The following MYO10 variants were observed in gnomAD, a reference collection of about 807,000 sequenced individuals.
MYO10 encodes the protein myosin X.
Under a neutral mutation model 257.3 loss-of-function variants are expected in MYO10, and 133 were observed. The ratio of observed to expected loss-of-function variants is 0.52; its 90% CI spans 0.45 to 0.60. The LOEUF (loss-of-function observed/expected upper bound fraction) is 0.60, where lower values mean the gene tolerates loss of function less well. Ranked by LOEUF, MYO10 falls within the 20% of genes least tolerant of loss-of-function variation. MYO10 has a pLI of 0.00. For missense variants in MYO10, 2,399 were observed against 2,635.7 expected, an observed-to-expected ratio of 0.91 and a Z score of 1.97; for synonymous variants, 1,104 against 1,028.6, an observed-to-expected ratio of 1.07 and a Z score of -1.40.
chr5:16,915,956 C>CA (rs1745803581), intron 1 of MYO10: 1 of 366,504 alleles, frequency 2.7e-6, no homozygotes. Context: ...GACTCTACGT[C>CA]AAAAAGAAAA....
At chr5:16,760,981 TA>T (rs1423099768) in intron 17 of MYO10, among the ~76,000 whole-genome samples, 7 of 142,288 alleles carry the variant, frequency 4.9e-5, no homozygotes, top group African/African-American at 1.4e-4. Flanking sequence ...TTATTATTAT[TA>T]ATTTATTTAT....
chr5:16,884,714 CT>C, intron 1 of MYO10, among the ~76,000 whole-genome samples: 1 of 149,108 alleles, frequency 6.7e-6, no homozygotes, highest in South Asian at 2.1e-4. Context: ...TTACCAGATG[CT>C]TTTTTTTTCT....
intron 1 of MYO10, among the ~76,000 whole-genome samples, chr5:16,888,646 G>A (rs1302242567): frequency 6.6e-6 from 1 of 151,672 alleles, no homozygotes; most frequent in African/African-American, 2.4e-5. Flanking sequence ...GGAGGCTAAG[G>A]CAGGAGGATC....
intron 1 of MYO10, among the ~76,000 whole-genome samples, chr5:16,910,307 G>A (rs1368861992): frequency 6.6e-6 from 1 of 152,060 alleles, no homozygotes; most frequent in Non-Finnish European, 1.5e-5. Context: ...GTTTGTCTTT[G>A]TTTTTGTTTC....
chr5:16,835,191 G>A (rs1394335160), intron 2 of MYO10, among the ~76,000 whole-genome samples: 1 of 152,048 alleles, frequency 6.6e-6, no homozygotes, highest in Non-Finnish European at 1.5e-5. Context: ...GTAGAGGGGT[G>A]GGGAAGAATT....
chr5:16,678,894 C>A (rs1358249933), intron 33 of MYO10, among the ~76,000 whole-genome samples: 1 of 152,188 alleles, frequency 6.6e-6, no homozygotes, highest in Non-Finnish European at 1.5e-5. Flanking sequence ...GGCCAGCAGT[C>A]TCCCTTGACT....
chr5:16,671,944 T>C (rs191255079), intron 37 of MYO10, among the ~76,000 whole-genome samples: 10 of 152,330 alleles, frequency 6.6e-5, no homozygotes, highest in East Asian at 5.8e-4. Context: ...GCTGTGTTTA[T>C]ACTAAGCAGG....
chr5:16,734,461 G>C (rs1739708419), intron 19 of MYO10, among the ~76,000 whole-genome samples: 1 of 152,152 alleles, frequency 6.6e-6, no homozygotes, highest in Non-Finnish European at 1.5e-5. Context: ...GAACACACCT[G>C]TTTTTTGCTG....
intron 1 of MYO10, among the ~76,000 whole-genome samples, chr5:16,922,461 G>A (rs1295031437): frequency 6.6e-6 from 1 of 152,166 alleles, no homozygotes; most frequent in African/African-American, 2.4e-5. Flanking sequence ...CCAAATAGAT[G>A]ACTGGCTCTC....
At chr5:16,692,229 T>C (rs147168253) in intron 27 of MYO10, among the ~76,000 whole-genome samples, 1,747 of 152,248 alleles carry the variant, frequency 0.011, 75 homozygotes, top group Admixed American at 0.076. Context: ...GAGACCAGCC[T>C]GGCCAATATG....
chr5:16,672,582 T>C (rs1736520229), intron 37 of MYO10, 107 bp downstream of exon 37: 5 of 1,355,924 alleles, frequency 3.7e-6, no homozygotes, highest in Non-Finnish European at 5.1e-6. Context: ...TAAAACTAAC[T>C]CCAATACAGC....
rs138794303 is a variant in MYO10 at position 16,684,865 on chromosome 5, A to G, written c.3990+873T>C. ...AGTTCCAGACCAGACTGGGCAACAT[A>G]GTGAAACCCTGTTTCTACTAAAATA... On this transcript the variant is annotated intron_variant, in intron 29 of 40. Coordinates refer to ENST00000513610, the MANE Select transcript of MYO10 (RefSeq NM_012334.3). Among the ~76,000 whole-genome samples the G allele has an allele frequency of 7.8e-3, 1,188 of 152,060 alleles. 13 individuals are homozygous for G. The highest frequency in any genetic ancestry group is 0.027 in the African/African-American group (1,123 of 41,422).
At chr5:16,873,117 C>G (rs1033679669) in intron 2 of MYO10, among the ~76,000 whole-genome samples, 2 of 152,156 alleles carry the variant, frequency 1.3e-5, no homozygotes, top group Non-Finnish European at 2.9e-5. Flanking sequence ...GTCCCTTCCA[C>G]CTATGAGCCT....
intron 2 of MYO10, among the ~76,000 whole-genome samples, chr5:16,839,970 C>T (rs1743426853): frequency 6.6e-6 from 1 of 152,080 alleles, no homozygotes; most frequent in African/African-American, 2.4e-5. Flanking sequence ...TACTTTAATT[C>T]CAAGCTCAGT....
intron 35 of MYO10, among the ~76,000 whole-genome samples, chr5:16,674,198 T>C (rs919796343): frequency 6.6e-6 from 1 of 152,230 alleles, no homozygotes; most frequent in Admixed American, 6.5e-5. Flanking sequence ...CCGGGCGCCG[T>C]GGCTAACGCC....
At chr5:16,908,363 A>C (rs907565833) in intron 1 of MYO10, among the ~76,000 whole-genome samples, 2 of 152,108 alleles carry the variant, frequency 1.3e-5, no homozygotes, top group African/African-American at 2.4e-5. Context: ...CCTGGTCTCT[A>C]CTAAAAATAC....
chr5:16,859,608 A>G (rs1744055433), intron 2 of MYO10, among the ~76,000 whole-genome samples: 1 of 152,084 alleles, frequency 6.6e-6, no homozygotes, highest in Non-Finnish European at 1.5e-5. Context: ...TTACCTGGCC[A>G]TGGTGGCACA....
chr5:16,919,719 G>C (rs1006983361), intron 1 of MYO10, among the ~76,000 whole-genome samples: 13 of 152,170 alleles, frequency 8.5e-5, no homozygotes, highest in Admixed American at 4.6e-4. Context: ...GTTCACGCCT[G>C]TAATCTCAGC....
At chr5:16,714,691 C>T (rs1005387544) in intron 19 of MYO10, among the ~76,000 whole-genome samples, 25 of 152,128 alleles carry the variant, frequency 1.6e-4, no homozygotes, top group African/African-American at 5.3e-4. Flanking sequence ...GGCGTGGTGG[C>T]GGGCGCCTGC....
Sources: gnomAD v4.1 joint callset for allele counts (sites outside exome capture counted in the v4.1 genomes callset) on GRCh38, gnomAD v4.1.1 for gene constraint, MANE v1.5 for transcripts, NCBI Gene and HGNC (gene_info 2026-07-23, HGNC 2026-07-21) for gene names.